The following CDH18 variants were observed in gnomAD, a reference collection of about 807,000 sequenced individuals.
CDH18 encodes cadherin 18.
In CDH18, 31 loss-of-function variants were observed where a neutral mutation model predicts 67.9. That is an observed-to-expected ratio of 0.46 (90% confidence interval 0.34 to 0.62). CDH18 has a LOEUF of 0.62. Among genes scored for constraint, CDH18 ranks in the 20% least tolerant of loss-of-function variants. CDH18 has a pLI of 0.01. For missense variants in CDH18, 890 were observed against 975.5 expected (o/e 0.91, Z 1.17); for synonymous variants, 362 against 347.2 (o/e 1.04, Z -0.48).
chr5:20,274,483 G>A (rs115016256), intron 1 of CDH18, among the ~76,000 whole-genome samples: 1,658 of 152,068 alleles, frequency 0.011, 31 homozygotes, highest in African/African-American at 0.038. Context: ...CAGAAAGAAG[G>A]AATACATATA....
chr5:19,790,642 A>C (rs1454717952), intron 3 of CDH18, among the ~76,000 whole-genome samples: 2 of 152,118 alleles, frequency 1.3e-5, no homozygotes, highest in African/African-American at 4.8e-5. Context: ...TTGGAGTTTA[A>C]TCTAGATGCA....
chr5:20,415,673 T>TGAGGCAGGAGAATGGCGTGAACTTGG (rs1400322849), intron 1 of CDH18, among the ~76,000 whole-genome samples: 1 of 152,006 alleles, frequency 6.6e-6, no homozygotes, highest in Admixed American at 6.6e-5. Context: ...CTCGGGAGGC[T>TGAGGCAGGAGAATGGCGTGAACTTGG]GAGGCAGGAG....
intron 9 of CDH18, among the ~76,000 whole-genome samples, chr5:19,532,835 A>C (rs1345628454): frequency 6.6e-6 from 1 of 152,192 alleles, no homozygotes; most frequent in Non-Finnish European, 1.5e-5. Context: ...GGAACATGAG[A>C]GAGAAGAGAC....
At chr5:20,444,158 G>T (rs1481135304) in intron 1 of CDH18, among the ~76,000 whole-genome samples, 3 of 149,826 alleles carry the variant, frequency 2.0e-5, no homozygotes, top group African/African-American at 2.6e-5. Flanking sequence ...CATGTGAGGA[G>T]TTCCTATCCA....
chr5:19,914,635 G>A (rs912660236), intron 2 of CDH18, among the ~76,000 whole-genome samples: 1 of 151,968 alleles, frequency 6.6e-6, no homozygotes, highest in Admixed American at 6.6e-5. Flanking sequence ...TGTGATTATT[G>A]ATTGTAAAAG....
intron 2 of CDH18, among the ~76,000 whole-genome samples, chr5:20,240,547 G>A (rs1742818807): frequency 6.6e-6 from 1 of 152,076 alleles, no homozygotes; most frequent in South Asian, 2.1e-4. Context: ...TGTTTTAAAT[G>A]CATTGCTTCA....
At chr5:19,756,397 T>G (rs1295870023) in intron 3 of CDH18, among the ~76,000 whole-genome samples, 1 of 152,204 alleles carries the variant, frequency 6.6e-6, no homozygotes, top group Non-Finnish European at 1.5e-5. Context: ...TACTACCTAT[T>G]CTGTATTTCT....
intron 1 of CDH18, among the ~76,000 whole-genome samples, chr5:20,501,717 T>TTGTGTG (rs1170488048): frequency 0.019 from 2,326 of 121,204 alleles, 33 homozygotes; most frequent in Admixed American, 0.051. Flanking sequence ...TCTTAAGGAT[T>TTGTGTG]TGTGTGTGTG....
chr5:20,294,187 C>T (rs1747315551), intron 1 of CDH18, among the ~76,000 whole-genome samples: 1 of 152,054 alleles, frequency 6.6e-6, no homozygotes, highest in Admixed American at 6.6e-5. Context: ...ATTTCAATGC[C>T]CACTTCTTCA....
intron 2 of CDH18, among the ~76,000 whole-genome samples, chr5:19,861,860 C>G (rs1784944540): frequency 6.6e-6 from 1 of 152,024 alleles, no homozygotes; most frequent in Non-Finnish European, 1.5e-5. Flanking sequence ...ATTCTACATG[C>G]AAAAATTGTG....
At chr5:20,044,672 T>C (rs1190647858) in intron 2 of CDH18, among the ~76,000 whole-genome samples, 2 of 152,168 alleles carry the variant, frequency 1.3e-5, no homozygotes, top group South Asian at 2.1e-4. Flanking sequence ...CTTTGAATTG[T>C]ATATTTTAGA....
intron 3 of CDH18, among the ~76,000 whole-genome samples, chr5:19,810,623 GTAAA>G (rs1372269806): frequency 6.6e-6 from 1 of 151,728 alleles, no homozygotes; most frequent in East Asian, 1.9e-4. Context: ...AAGTAATTAA[GTAAA>G]TATAATATAC....
intron 1 of CDH18, among the ~76,000 whole-genome samples, chr5:20,459,385 G>A (rs1581039025): frequency 6.6e-6 from 1 of 152,280 alleles, no homozygotes; most frequent in Middle Eastern, 3.4e-3. Context: ...CATATTACAG[G>A]GACCTACATG....
At chr5:19,508,246 G>A (rs1493445) in intron 10 of CDH18, among the ~76,000 whole-genome samples, 32,257 of 151,852 alleles carry the variant, frequency 0.21, 3,712 homozygotes, top group African/African-American at 0.28. Flanking sequence ...AATATACCTG[G>A]GAACTTAACA....
At chr5:19,542,253 G>C (rs1454752482) in intron 9 of CDH18, among the ~76,000 whole-genome samples, 1 of 152,058 alleles carries the variant, frequency 6.6e-6, no homozygotes, top group Non-Finnish European at 1.5e-5. Flanking sequence ...CACTAGAATG[G>C]CTATAATAAA....
intron 2 of CDH18, among the ~76,000 whole-genome samples, chr5:19,924,304 T>C (rs946261830): frequency 2.0e-5 from 3 of 152,152 alleles, no homozygotes; most frequent in Admixed American, 6.5e-5. Flanking sequence ...TTTTAAGATA[T>C]CTTTTTGCAT....
At position 19,570,762 on chromosome 5, in the gene CDH18, C is replaced by G. The variant is rs1741249769; in HGVS notation, c.1253+817G>C. 2.6e-5 allele frequency among the ~76,000 whole-genome samples: 4 copies of G among 152,122 alleles called. No individual in the cohort carries two copies. In the South Asian group the frequency reaches 8.3e-4, roughly 32 times the overall value. On this transcript the variant is annotated intron_variant, in intron 8 of 12. Coordinates refer to ENST00000382275, the MANE Select transcript of CDH18 (RefSeq NM_004934.5). ...ATGCAAAAAAGCTTTGATTATCTCT[C>G]CAGCATGATGTACTAAACTAATACA...
chr5:20,292,883 C>T (rs1472604553), intron 1 of CDH18, among the ~76,000 whole-genome samples: 1 of 152,140 alleles, frequency 6.6e-6, no homozygotes, highest in Non-Finnish European at 1.5e-5. Context: ...TACCTGCTGA[C>T]TTCATCATAA....
chr5:20,336,504 C>T (rs1006940478), intron 1 of CDH18, among the ~76,000 whole-genome samples: 2 of 151,872 alleles, frequency 1.3e-5, no homozygotes, highest in East Asian at 1.9e-4. Context: ...GGGCGGATCA[C>T]GAGGCCAAGA....
Sources: gnomAD v4.1 joint callset for allele counts (sites outside exome capture counted in the v4.1 genomes callset) on GRCh38, gnomAD v4.1.1 for gene constraint, MANE v1.5 for transcripts, NCBI Gene and HGNC (gene_info 2026-07-23, HGNC 2026-07-21) for gene names.